Variants in C4BPB observed in about 807,000 individuals in gnomAD.
The protein encoded by C4BPB is C4b-binding protein beta chain.
In C4BPB, 19 loss-of-function variants were observed where a neutral mutation model predicts 26.6. The observed-to-expected ratio is 0.71, with a 90% CI of 0.50 to 1.05. The LOEUF (loss-of-function observed/expected upper bound fraction) is 1.05, where lower values mean the gene tolerates loss of function less well. C4BPB is among the 50% of genes least tolerant of loss of function. The pLI is 0.00. For missense variants in C4BPB, 282 were observed against 302.9 expected (o/e 0.93, Z 0.51); for synonymous variants, 118 against 103.5 (o/e 1.14, Z -0.85).
At position 207,096,579 on chromosome 1, in the gene C4BPB, C is replaced by T; in HGVS notation, c.467C>T (p.Thr156Ile). ...GGCTATTTTGAAGGAAATAACTTCA[C>T]CTTAGGATCCACCATTAGTTATTAC... ...VHGYFEGNNF[T>I]LGSTISYYCE... is the part of the protein sequence containing the mutation. The change falls in exon 5 of 7, where the codon ACC becomes ATC. Residue 156 changes from threonine (T) to isoleucine (I), a missense_variant. Coordinates refer to ENST00000367078, the MANE Select transcript of C4BPB (RefSeq NM_001017365.3). 1 of 1,607,112 alleles carries T rather than the reference C, an allele frequency of 6.2e-7. No individual in the cohort carries two copies. The highest frequency in any genetic ancestry group is 1.1e-5 in the South Asian group (1 of 90,730).
intron 4 of C4BPB, among the ~76,000 whole-genome samples, chr1:207,092,858 C>T (rs1684091286): frequency 6.6e-6 from 1 of 152,180 alleles, no homozygotes; most frequent in South Asian, 2.1e-4. Context: ...AACTCCTGAT[C>T]TCGTGATCCA....
chr1:207,097,105 G>A lies in C4BPB; in HGVS notation c.503+490G>A, dbSNP rs12142750. ...TGAGAATCGCTTGAACCCAGGAGGC[G>A]GAGGTTGCAGTGAGCCTAGATGGCA... On this transcript the variant is annotated intron_variant, in intron 5 of 6. Transcript: ENST00000367078. 9.1e-4 allele frequency among the ~76,000 whole-genome samples: 139 copies of A among 152,256 alleles called. 5 individuals carry two copies. In the South Asian group the frequency reaches 0.027, roughly 29 times the overall value.
rs148785476 is a variant in C4BPB at position 207,096,926 on chromosome 1, C to A, written c.503+311C>A. ...ATGGCTCACACCTGTAATCCCAGCA[C>A]TTTGGGATGCTAAGGCAGGCGGTTT... On this transcript the variant is annotated intron_variant, in intron 5 of 6. Transcript: ENST00000367078. Among the ~76,000 whole-genome samples, 1,449 of 152,284 alleles carry A rather than the reference C, an allele frequency of 9.5e-3. 22 individuals are homozygous for A. Among genetic ancestry groups the A allele is most frequent in the African/African-American group, 0.033 (1,389 of 41,572 alleles).
chr1:207,099,364 C>T (rs56330303), intron 6 of C4BPB, among the ~76,000 whole-genome samples: 4,043 of 152,302 alleles, frequency 0.027, 80 homozygotes, highest in South Asian at 0.07. Flanking sequence ...TGAAGCTTTG[C>T]TTGCCTGCCC....
intron 4 of C4BPB, among the ~76,000 whole-genome samples, chr1:207,092,877 G>A (rs968119825): frequency 5.9e-5 from 9 of 151,696 alleles, no homozygotes; most frequent in Admixed American, 3.3e-4. Flanking sequence ...CACCCACCTC[G>A]GCCTCCTAAA....
intron 4 of C4BPB, 145 bp downstream of exon 4, chr1:207,091,965 G>T (rs1367368082): frequency 4.5e-6 from 3 of 659,350 alleles, no homozygotes; most frequent in Non-Finnish European, 7.5e-6. Flanking sequence ...GAAACAAGTG[G>T]AGCTCACAGA....
At position 207,090,793 on chromosome 1, in the gene C4BPB, T is replaced by A. The variant is rs138137346; in HGVS notation, c.232+312T>A. 4.4e-3 allele frequency among the ~76,000 whole-genome samples: 664 copies of A among 152,354 alleles called. 3 individuals carry two copies. Among genetic ancestry groups the A allele is most frequent in the African/African-American group, 0.016 (645 of 41,580 alleles). On this transcript the variant is annotated intron_variant, in intron 3 of 6. Transcript: ENST00000367078. ...CCTTATATTGCTTTAAAAATGTTTA[T>A]GTTATGGAAAATTTAAAATGTATAC...
In C4BPB at chr1:207,091,782, A is replaced by T; in HGVS notation, c.371A>T (p.Asp124Val). Residue 124 changes from aspartate to valine, a missense_variant, in exon 4 of 7, where the codon GAC becomes GTC. Coordinates refer to ENST00000367078, the MANE Select transcript of C4BPB (RefSeq NM_001017365.3). ...AGCAATCGGAGCCAGTGTCTAGAGG[A>T]CCACACCTGGGCACCTCCCTTTCCC... ...KGSNRSQCLE[D>V]HTWAPPFPIC... 1 of 1,614,060 alleles carries T rather than the reference A, an allele frequency of 6.2e-7. No homozygotes were observed. The highest frequency in any genetic ancestry group is 1.1e-5 in the South Asian group (1 of 91,048).
intron 5 of C4BPB, 114 bp downstream of exon 5, chr1:207,096,729 T>G: frequency 1.6e-6 from 1 of 642,348 alleles, no homozygotes; most frequent in Non-Finnish European, 2.7e-6. Flanking sequence ...TGCAGGATTC[T>G]AAGCTCATTC....
intron 2 of C4BPB, among the ~76,000 whole-genome samples, chr1:207,089,875 A>C (rs1165651973): frequency 6.6e-6 from 1 of 152,198 alleles, no homozygotes; most frequent in Non-Finnish European, 1.5e-5. Flanking sequence ...CTTACTTGTT[A>C]TAAACTCCAG....
intron 6 of C4BPB, 32 bp downstream of exon 6, chr1:207,098,296 C>G: frequency 7.8e-7 from 1 of 1,289,670 alleles, no homozygotes; most frequent in Non-Finnish European, 1.1e-6. Context: ...GTCTTGTTCA[C>G]AGCTGGATCT....
chr1:207,098,791 G>A (rs1343748009), intron 6 of C4BPB, among the ~76,000 whole-genome samples: 1 of 152,210 alleles, frequency 6.6e-6, no homozygotes, highest in African/African-American at 2.4e-5. Flanking sequence ...ATGGGAAACT[G>A]ACAGATTATC....
chr1:207,093,460 A>G (rs1480289585), intron 4 of C4BPB, among the ~76,000 whole-genome samples: 1 of 152,210 alleles, frequency 6.6e-6, no homozygotes, highest in Non-Finnish European at 1.5e-5. Flanking sequence ...ACTACAAATT[A>G]TATATCATTA....
At chr1:207,094,962 T>G (rs1488450585) in intron 4 of C4BPB, 1 of 213,124 alleles carries the variant, frequency 4.7e-6, no homozygotes, top group Admixed American at 5.3e-5. Flanking sequence ...TGCTTATGTA[T>G]GTGTAACCAT....
intron 4 of C4BPB, 62 bp from the exon 5 acceptor site, chr1:207,096,460 G>A: frequency 1.0e-6 from 1 of 953,224 alleles, no homozygotes; most frequent in Non-Finnish European, 1.7e-6. Context: ...TGCAATTAGG[G>A]GTGCTGTTCA....
chr1:207,099,639 G>A lies in C4BPB; in HGVS notation c.619-150G>A, dbSNP rs938673220. On this transcript the variant is annotated intron_variant, in intron 6 of 6. Coordinates refer to ENST00000367078, the MANE Select transcript of C4BPB (RefSeq NM_001017365.3). Reference sequence around the variant, plus strand: ...TATATTTAAGCCAGAAAATATAAATGATTTGCCATGTTGAAAACCCAAATC... The same window carrying A: ...TATATTTAAGCCAGAAAATATAAATAATTTGCCATGTTGAAAACCCAAATC... 5 of 540,866 alleles carry A rather than the reference G, an allele frequency of 9.2e-6. 1 individual carries two copies. The highest frequency in any genetic ancestry group is 5.8e-5 in the African/African-American group (3 of 52,148). 33.5% of individuals were successfully genotyped at this position (540,866 alleles called of 1,614,324 possible). A position where few individuals can be genotyped will look rare whatever the true frequency, so the allele number is the denominator to read the frequency against.
At chr1:207,097,082 A>G (rs1400120355) in intron 5 of C4BPB, among the ~76,000 whole-genome samples, 1 of 152,232 alleles carries the variant, frequency 6.6e-6, no homozygotes, top group Non-Finnish European at 1.5e-5. Flanking sequence ...CTGAGGCATG[A>G]GAATCGCTTG....
At chr1:207,099,709 A>C in intron 6 of C4BPB, 80 bp from the exon 7 acceptor site, 1 of 1,219,684 alleles carries the variant, frequency 8.2e-7, no homozygotes, top group Non-Finnish European at 1.1e-6. Context: ...CAGAGAGCTA[A>C]CTGCTGCTCA....
At chr1:207,099,303 G>A (rs1207086514) in intron 6 of C4BPB, among the ~76,000 whole-genome samples, 1 of 152,220 alleles carries the variant, frequency 6.6e-6, no homozygotes, top group African/African-American at 2.4e-5. Context: ...CCTGACAGGA[G>A]GTGGAGCTCA....
Sources: allele counts gnomAD v4.1 joint callset (sites outside exome capture counted in the v4.1 genomes callset), GRCh38; gene constraint gnomAD v4.1.1; transcripts MANE v1.5; gene names NCBI Gene and HGNC (gene_info 2026-07-23, HGNC 2026-07-21).